Variants in PRR33 observed in about 807,000 individuals in gnomAD.
PRR33 encodes the protein proline-rich protein 33.
A neutral mutation model predicts 0.5 loss-of-function variants in PRR33; 1 was observed. That is an observed-to-expected ratio of 2.18 (90% CI 0.77 to 10.34). The LOEUF is 10.34. PRR33 is among the 30% of genes most tolerant of loss of function. PRR33 has a pLI of 0.13. For synonymous variants in PRR33, 226 were observed against 110.0 expected (o/e 2.06, Z -6.60); for missense variants, 552 against 251.8 (o/e 2.19, Z -8.07).
Position 1,890,372 on chromosome 11 carries a change from C to T in PRR33, c.213G>A (p.Glu71=), listed in dbSNP as rs537285291. ...CTGTGACCTCCTGGTCATGGCTGGC[C>T]TCACTCACGGGGGACAGGGAGGTGC... Residue 71 remains glutamate, a synonymous_variant, in exon 1 of 1, where the codon GAG becomes GAA. Coordinates refer to ENST00000640310, the Ensembl canonical transcript of PRR33. The T allele has an allele frequency of 9.2e-5, 66 of 716,736 alleles. No homozygotes were observed. In the East Asian group the frequency reaches 1.7e-3, roughly 19 times the overall value. 44.4% of individuals were successfully genotyped at this position (716,736 alleles called of 1,614,324 possible).
chr11:1,900,823 G>T, the PRR33 span, among the ~76,000 whole-genome samples: 6 of 152,268 alleles, frequency 3.9e-5, no homozygotes, highest in South Asian at 1.2e-3. Flanking sequence ...ATTTGGCAGT[G>T]CTTCCCATGT....
At chr11:1,916,475 C>A in the PRR33 span, among the ~76,000 whole-genome samples, 2 of 145,972 alleles carry the variant, frequency 1.4e-5, no homozygotes, top group East Asian at 4.2e-4. Flanking sequence ...GCCACCCTCC[C>A]CAGCTGGGGA....
chr11:1,894,057 AGTGT>A (rs61527876), upstream of PRR33, among the ~76,000 whole-genome samples: 1 of 53,190 alleles, frequency 1.9e-5, no homozygotes, highest in Admixed American at 1.6e-4. Flanking sequence ...GGAGTGTGGG[AGTGT>A]GTGTGTGTGT....
upstream of PRR33, among the ~76,000 whole-genome samples, chr11:1,894,271 T>C (rs1849100698): frequency 6.7e-6 from 1 of 149,324 alleles, no homozygotes; most frequent in African/African-American, 2.5e-5. Flanking sequence ...CTCACTCTGT[T>C]TCCCAGGCTG....
chr11:1,896,481 A>C (rs985598235), upstream of PRR33, among the ~76,000 whole-genome samples: 2 of 152,238 alleles, frequency 1.3e-5, no homozygotes, highest in Non-Finnish European at 2.9e-5. Context: ...TGGACTTTGT[A>C]TATCAGTCTT....
At chr11:1,913,950 G>A in the PRR33 span, among the ~76,000 whole-genome samples, 1 of 152,268 alleles carries the variant, frequency 6.6e-6, no homozygotes, top group African/African-American at 2.4e-5. Flanking sequence ...CTGTCCATGG[G>A]TGGTGACCAC....
At chr11:1,914,851 T>TTC in the PRR33 span, among the ~76,000 whole-genome samples, 1,115 of 66,584 alleles carry the variant, frequency 0.017, 13 homozygotes, top group African/African-American at 0.066. Context: ...CTGGAGATGT[T>TTC]TCTGTGTGTG....
the PRR33 span, among the ~76,000 whole-genome samples, chr11:1,904,889 C>G: frequency 6.6e-6 from 1 of 151,828 alleles, no homozygotes; most frequent in Non-Finnish European, 1.5e-5. Flanking sequence ...TATCCTTCTC[C>G]TCCTTTCCCC....
the PRR33 span, among the ~76,000 whole-genome samples, chr11:1,915,387 C>CTG: frequency 3.0e-4 from 43 of 143,870 alleles, 1 homozygote; most frequent in East Asian, 6.3e-3. Flanking sequence ...GATGATGTTT[C>CTG]TGTGTGTGTG....
At chr11:1,888,140 C>A (rs1848833477) in exon 1 of PRR33, among the ~76,000 whole-genome samples, 1 of 152,174 alleles carries the variant, frequency 6.6e-6, no homozygotes, top group Non-Finnish European at 1.5e-5. Context: ...CAGCACCCAT[C>A]ACACCACAGG....
chr11:1,889,833 G>T lies in PRR33; in HGVS notation c.752C>A (p.Pro251Gln), dbSNP rs759423455. 59 of 634,218 alleles carry T rather than the reference G, an allele frequency of 9.3e-5. No homozygotes were observed. The South Asian group carries it at 1.1e-3, about 11-fold the overall frequency. 39.3% of individuals were successfully genotyped at this position (634,218 alleles called of 1,614,324 possible). A position where few individuals can be genotyped will look rare whatever the true frequency, so the allele number is the denominator to read the frequency against. ...GGGCACTGAGGCCTGGAAGCCGGGT[G>T]GCGGCCGTGGTACAGGGGGCTCCTC... Residue 251 changes from proline (P) to glutamine (Q), a missense_variant, in exon 1 of 1, where the codon CCA (proline) becomes CAA (glutamine). Physicochemically the swap from Pro to Gln is moderately conservative, Grantham distance 76. Coordinates refer to ENST00000640310, the Ensembl canonical transcript of PRR33.
At chr11:1,907,342 T>C in the PRR33 span, among the ~76,000 whole-genome samples, 1 of 152,218 alleles carries the variant, frequency 6.6e-6, no homozygotes, top group South Asian at 2.1e-4. Flanking sequence ...CCATCATGTT[T>C]CCACTGTTCT....
the PRR33 span, among the ~76,000 whole-genome samples, chr11:1,903,514 T>C: frequency 6.6e-6 from 1 of 152,320 alleles, no homozygotes; most frequent in South Asian, 2.1e-4. Context: ...TAGAAGCTTC[T>C]TCACATCAAT....
At chr11:1,914,287 G>A in the PRR33 span, among the ~76,000 whole-genome samples, 2 of 150,056 alleles carry the variant, frequency 1.3e-5, no homozygotes, top group Admixed American at 6.6e-5. Context: ...ATGTGTGTGT[G>A]TGTTGTGTGT....
the PRR33 span, among the ~76,000 whole-genome samples, chr11:1,915,469 G>A: frequency 2.1e-5 from 3 of 145,358 alleles, no homozygotes; most frequent in South Asian, 6.7e-4. Context: ...TGTGTTGTGG[G>A]GTCACACACC....
At chr11:1,902,246 A>AG in the PRR33 span, among the ~76,000 whole-genome samples, 1 of 151,692 alleles carries the variant, frequency 6.6e-6, no homozygotes, top group Non-Finnish European at 1.5e-5. Flanking sequence ...AAAAAAAAAA[A>AG]ACACACAATT....
the PRR33 span, chr11:1,889,151 GA>G: frequency 1.5e-6 from 1 of 657,698 alleles, no homozygotes. Context: ...CACTTCACTG[GA>G]GCCTCCAGCC....
At chr11:1,912,396 A>G in the PRR33 span, among the ~76,000 whole-genome samples, 6 of 151,864 alleles carry the variant, frequency 4.0e-5, no homozygotes, top group Non-Finnish European at 5.9e-5. Context: ...TCCATGTTCT[A>G]TTTCTCCTGG....
At chr11:1,889,770 G>A (rs763193308) in exon 1 of PRR33, 13 of 648,048 alleles carry the variant, frequency 2.0e-5, no homozygotes, top group Middle Eastern at 2.5e-4. Context: ...GCGGCAGGTC[G>A]GGGCTATGGG....
Sources: allele counts gnomAD v4.1 joint callset (sites outside exome capture counted in the v4.1 genomes callset), GRCh38; gene constraint gnomAD v4.1.1; transcripts MANE v1.5; gene names NCBI Gene and HGNC (gene_info 2026-07-23, HGNC 2026-07-21).